The following KAZN variants were observed in gnomAD, a reference collection of about 807,000 sequenced individuals.
KAZN encodes the protein kazrin, periplakin interacting protein.
A neutral mutation model predicts 87.4 loss-of-function variants in KAZN; 40 were observed. That is an observed-to-expected ratio of 0.46 (90% confidence interval 0.36 to 0.60). KAZN has a LOEUF of 0.60. Among genes scored for constraint, KAZN ranks in the 20% least tolerant of loss-of-function variants. The probability of loss-of-function intolerance (pLI) is 0.00; values close to 1 mark genes in which losing one functional copy is unlikely to be tolerated. For missense variants in KAZN, 898 were observed against 1,073.9 expected (o/e 0.84, Z 2.29); for synonymous variants, 466 against 458.3 (o/e 1.02, Z -0.22).
intron 1 of KAZN, among the ~76,000 whole-genome samples, chr1:14,079,494 G>A (rs866884473): frequency 2.2e-4 from 34 of 152,322 alleles, no homozygotes; most frequent in African/African-American, 8.2e-4. Flanking sequence ...GTTCCAGAGC[G>A]ATGTTAACAT....
Position 14,357,096 on chromosome 1 carries a change from T to C in KAZN, c.249+176504T>C, listed in dbSNP as rs571121495. 4.2e-3 allele frequency among the ~76,000 whole-genome samples: 640 copies of C among 152,298 alleles called. 3 individuals are homozygous for C. The highest frequency in any genetic ancestry group is 0.014 in the African/African-American group (602 of 41,564). Reference sequence around the variant, plus strand: ...TTCCATTTGTTTGTGCCCTCTCATTTCCTTGAGCAGTGGTTTGTAGTTCTC... The same window carrying C: ...TTCCATTTGTTTGTGCCCTCTCATTCCCTTGAGCAGTGGTTTGTAGTTCTC... On this transcript the variant is annotated intron_variant, in intron 2 of 16. Coordinates refer to the KAZN transcript ENST00000636203.
intron 1 of KAZN, 139 bp from the exon 2 acceptor site, chr1:14,960,545 G>GGCCT: frequency 3.6e-6 from 3 of 837,452 alleles, no homozygotes; most frequent in Non-Finnish European, 5.5e-6. Flanking sequence ...ATAAGGCAGT[G>GGCCT]GCCTCCCTTC....
intron 1 of KAZN, among the ~76,000 whole-genome samples, chr1:13,946,975 G>A (rs544434135): frequency 1.3e-5 from 2 of 152,132 alleles, no homozygotes; most frequent in East Asian, 3.9e-4. Flanking sequence ...TGGAGGCTTG[G>A]GGGGAGAATC....
intron 2 of KAZN, among the ~76,000 whole-genome samples, chr1:14,563,865 T>G (rs967576911): frequency 2.0e-5 from 3 of 147,488 alleles, no homozygotes; most frequent in African/African-American, 7.4e-5. Flanking sequence ...CAGAGTATGG[T>G]TCAAACTCCT....
chr1:14,882,185 G>C (rs1031353412), intron 1 of KAZN, among the ~76,000 whole-genome samples: 4 of 152,206 alleles, frequency 2.6e-5, no homozygotes, highest in African/African-American at 9.6e-5. Context: ...TAACTGAACA[G>C]GAAGTGTTGT....
At chr1:14,088,997 C>T (rs1233940677) in intron 1 of KAZN, among the ~76,000 whole-genome samples, 1 of 140,466 alleles carries the variant, frequency 7.1e-6, no homozygotes, top group Non-Finnish European at 1.5e-5. Flanking sequence ...TTACCATTTT[C>T]TAAAAAAAAA....
At chr1:13,922,227 G>A (rs963233437) in intron 1 of KAZN, among the ~76,000 whole-genome samples, 22 of 151,940 alleles carry the variant, frequency 1.4e-4, no homozygotes, top group African/African-American at 4.6e-4. Flanking sequence ...ACAGATCATC[G>A]GTCCCCCGCC....
At chr1:14,296,629 C>CTTTTTTTTTTT (rs775666706) in intron 2 of KAZN, among the ~76,000 whole-genome samples, 2 of 82,764 alleles carry the variant, frequency 2.4e-5, no homozygotes, top group South Asian at 5.0e-4. Flanking sequence ...TTTTGTATTT[C>CTTTTTTTTTTT]TTTTTTTTTT....
At chr1:14,527,646 G>A (rs1303879609) in intron 2 of KAZN, among the ~76,000 whole-genome samples, 1 of 152,052 alleles carries the variant, frequency 6.6e-6, no homozygotes, top group Non-Finnish European at 1.5e-5. Flanking sequence ...CTCCTGGTGA[G>A]GGGCTCCAGC....
Position 14,138,081 on chromosome 1 carries a change from CAG to C in KAZN, c.92-42353_92-42352del, listed in dbSNP as rs1491398650. On this transcript the variant is annotated intron_variant, in intron 1 of 16. Coordinates refer to the KAZN transcript ENST00000636203. The stretch of plus-strand genomic sequence containing the variant: ...AAATGTTAGCATTAAATAAATGTTA[CAG>C]TGTGTGTGTGTGTGTGTGTGTGTGT... Among the ~76,000 whole-genome samples, 196 of 134,120 alleles carry C rather than the reference CAG, an allele frequency of 1.5e-3. 2 individuals are homozygous for C. Among genetic ancestry groups the C allele is most frequent in the African/African-American group, 4.4e-3 (145 of 32,980 alleles). The allele number at this position is 134,120 out of a possible 152,430, so 88.0% of individuals were successfully genotyped here.
intron 1 of KAZN, among the ~76,000 whole-genome samples, chr1:14,696,056 T>A (rs61048688): frequency 0.023 from 3,564 of 152,312 alleles, 139 homozygotes; most frequent in African/African-American, 0.079. Context: ...AGAGTATTTT[T>A]AAATTGCTAT....
chr1:14,472,710 C>A (rs527303710), intron 2 of KAZN, among the ~76,000 whole-genome samples: 2 of 151,456 alleles, frequency 1.3e-5, no homozygotes, highest in Admixed American at 6.6e-5. Flanking sequence ...GGAATCACAG[C>A]TTGATTCCCT....
rs148483957 is a variant in KAZN, at chr1:13,988,795, T to C, written c.91+95039T>C. ...CACTACAGCAATTCTTAATATGTTTTGGGGTCACTAATCCCTTTGAGAATG... is the reference window on the plus strand; with the variant it reads ...CACTACAGCAATTCTTAATATGTTTCGGGGTCACTAATCCCTTTGAGAATG... On this transcript the variant is annotated intron_variant, in intron 1 of 16. Transcript: ENST00000636203. Among the ~76,000 whole-genome samples, 974 of 152,300 alleles carry C rather than the reference T, an allele frequency of 6.4e-3. 11 individuals carry two copies. Among genetic ancestry groups the C allele is most frequent in the African/African-American group, 0.023 (945 of 41,568 alleles).
chr1:14,960,199 T>C (rs1276451104), intron 1 of KAZN, among the ~76,000 whole-genome samples: 1 of 152,198 alleles, frequency 6.6e-6, no homozygotes, highest in African/African-American at 2.4e-5. Context: ...AGGCCTTGGT[T>C]CAATTCCCAG....
intron 1 of KAZN, among the ~76,000 whole-genome samples, chr1:13,894,870 A>C (rs1638975576): frequency 6.6e-6 from 1 of 152,178 alleles, no homozygotes; most frequent in African/African-American, 2.4e-5. Context: ...TGGTTTCTAA[A>C]ACTGGATGTG....
At chr1:14,341,036 C>T (rs556063138) in intron 2 of KAZN, among the ~76,000 whole-genome samples, 5 of 151,020 alleles carry the variant, frequency 3.3e-5, no homozygotes, top group South Asian at 2.1e-4. Flanking sequence ...TACAGGCATG[C>T]GCCACCATGC....
At chr1:15,042,517 G>A (rs1673024606) in intron 3 of KAZN, among the ~76,000 whole-genome samples, 1 of 152,176 alleles carries the variant, frequency 6.6e-6, no homozygotes, top group South Asian at 2.1e-4. Context: ...CCTGCTGGGA[G>A]CCCAGTCCTG....
At chr1:14,487,856 A>T (rs1669429790) in intron 2 of KAZN, among the ~76,000 whole-genome samples, 1 of 152,132 alleles carries the variant, frequency 6.6e-6, no homozygotes, top group Non-Finnish European at 1.5e-5. Flanking sequence ...ATCTGGGTAG[A>T]TAGTGCTGCC....
intron 2 of KAZN, among the ~76,000 whole-genome samples, chr1:14,242,745 C>T (rs953473757): frequency 4.0e-4 from 61 of 152,198 alleles, no homozygotes; most frequent in Admixed American, 2.6e-4. Flanking sequence ...CCACATTTTC[C>T]CCAGCCCCTG....
Sources: gnomAD v4.1 joint callset for allele counts (sites outside exome capture counted in the v4.1 genomes callset) on GRCh38, gnomAD v4.1.1 for gene constraint, MANE v1.5 for transcripts, NCBI Gene and HGNC (gene_info 2026-07-23, HGNC 2026-07-21) for gene names.